The following SLC35F3 variants were observed in gnomAD, a reference collection of about 807,000 sequenced individuals.
SLC35F3 encodes putative thiamine transporter SLC35F3.
In SLC35F3, 25 loss-of-function variants were observed where a neutral mutation model predicts 49.9. That is an observed-to-expected ratio of 0.50 (90% CI 0.37 to 0.70). SLC35F3 has a LOEUF of 0.70. Among genes scored for constraint, SLC35F3 ranks in the 30% least tolerant of loss-of-function variants. SLC35F3 has a pLI of 0.00. For synonymous variants in SLC35F3, 275 were observed against 265.4 expected (o/e 1.04, Z -0.35); for missense variants, 525 against 639.8 (o/e 0.82, Z 1.94).
chr1:234,088,731 C>T (rs907643717), intron 2 of SLC35F3, among the ~76,000 whole-genome samples: 1 of 152,108 alleles, frequency 6.6e-6, no homozygotes, highest in African/African-American at 2.4e-5. Flanking sequence ...TTACACATGT[C>T]ATAAGGAATG....
intron 2 of SLC35F3, among the ~76,000 whole-genome samples, chr1:234,149,701 G>T (rs1330832786): frequency 1.3e-5 from 2 of 152,134 alleles, no homozygotes; most frequent in East Asian, 3.8e-4. Context: ...ATTTTCAAAA[G>T]AATATAAGCT....
intron 3 of SLC35F3, among the ~76,000 whole-genome samples, chr1:234,283,811 C>T (rs949327713): frequency 1.3e-5 from 2 of 152,166 alleles, no homozygotes; most frequent in Non-Finnish European, 2.9e-5. Flanking sequence ...AGCCTTGGTA[C>T]CTAGGAATTT....
At chr1:234,017,797 A>C (rs1467349474) in intron 2 of SLC35F3, among the ~76,000 whole-genome samples, 1 of 151,700 alleles carries the variant, frequency 6.6e-6, no homozygotes, top group East Asian at 1.9e-4. Context: ...TCAATGGCAA[A>C]AACCGTGATT....
intron 2 of SLC35F3, among the ~76,000 whole-genome samples, chr1:234,034,078 G>A (rs944148740): frequency 1.3e-5 from 2 of 152,138 alleles, no homozygotes; most frequent in African/African-American, 4.8e-5. Flanking sequence ...CACCGCCTTG[G>A]TTAGGTATAT....
intron 2 of SLC35F3, among the ~76,000 whole-genome samples, chr1:234,098,550 GAT>G (rs1198137594): frequency 9.4e-5 from 14 of 148,912 alleles, no homozygotes; most frequent in South Asian, 2.1e-4. Context: ...TGGTGGTGGT[GAT>G]TATTGGTGGT....
At chr1:234,084,534 A>T (rs1664932486) in intron 2 of SLC35F3, among the ~76,000 whole-genome samples, 1 of 152,228 alleles carries the variant, frequency 6.6e-6, no homozygotes, top group East Asian at 1.9e-4. Context: ...CATATATTTT[A>T]AAGAAATTAT....
chr1:234,105,754 C>T (rs1308327085), intron 2 of SLC35F3, among the ~76,000 whole-genome samples: 3 of 152,202 alleles, frequency 2.0e-5, no homozygotes, highest in African/African-American at 7.2e-5. Context: ...TATTGATGTT[C>T]ACAAAGCTCA....
chr1:234,271,331 C>T (rs1668102888), intron 3 of SLC35F3, among the ~76,000 whole-genome samples: 1 of 151,972 alleles, frequency 6.6e-6, no homozygotes, highest in East Asian at 1.9e-4. Context: ...ATATACAGGG[C>T]ACCTATAGTA....
chr1:233,987,141 T>A (rs755190257), intron 2 of SLC35F3, among the ~76,000 whole-genome samples: 1 of 150,532 alleles, frequency 6.6e-6, no homozygotes. Flanking sequence ...ACAAAAAAAA[T>A]TAGCCAGGCG....
At chr1:234,156,056 A>G (rs1666146983) in intron 2 of SLC35F3, among the ~76,000 whole-genome samples, 1 of 152,170 alleles carries the variant, frequency 6.6e-6, no homozygotes, top group Non-Finnish European at 1.5e-5. Context: ...ACATATACAA[A>G]TCAAAAGTTT....
chr1:234,310,144 G>T (rs1429340980), intron 4 of SLC35F3, among the ~76,000 whole-genome samples: 1 of 152,190 alleles, frequency 6.6e-6, no homozygotes, highest in Admixed American at 6.5e-5. Flanking sequence ...GCCAGGAGCT[G>T]TCACTGCCCC....
chr1:234,318,643 C>T (rs1657546805), intron 5 of SLC35F3, 108 bp from the exon 6 acceptor site: 1 of 921,856 alleles, frequency 1.1e-6, no homozygotes, highest in Admixed American at 2.4e-5. Flanking sequence ...AATCTGGTTT[C>T]CATCCTGCAG....
intron 2 of SLC35F3, among the ~76,000 whole-genome samples, chr1:234,083,920 C>T (rs1323116941): frequency 6.6e-6 from 1 of 151,452 alleles, no homozygotes; most frequent in African/African-American, 2.4e-5. Context: ...TCACCACAAC[C>T]TCCGCCTCCT....
At position 234,231,582 on chromosome 1, in the gene SLC35F3, C is replaced by T. The variant is rs1667376754; in HGVS notation, c.449C>T (p.Ala150Val). ...GTGCTGTGCGTGTGCTCCTCGTGGG[C>T]GGGCTCCACGCAGCTCGCCAAGCTG... ...AVVLCVCSSW[A>V]GSTQLAKLTF... is the part of the protein sequence containing the mutation. Residue 150 changes from alanine (A) to valine (V), a missense_variant, in exon 3 of 8, where the codon GCG (alanine) becomes GTG (valine). By Grantham distance (64) the Ala-to-Val change is moderately conservative (BLOSUM62 0). Coordinates refer to ENST00000366618, the MANE Select transcript of SLC35F3 (RefSeq NM_173508.4). This position sits in a 1 kb window ranked among gnomAD's most constrained non-coding sequence, Gnocchi z 5.4. The T allele has an allele frequency of 6.2e-7, 1 of 1,614,162 alleles. No homozygotes were observed. Among genetic ancestry groups the T allele is most frequent in the Non-Finnish European group, 8.5e-7 (1 of 1,180,014 alleles).
chr1:234,181,015 C>A (rs1572084198), intron 2 of SLC35F3, among the ~76,000 whole-genome samples: 2 of 152,048 alleles, frequency 1.3e-5, no homozygotes, highest in East Asian at 1.9e-4. Flanking sequence ...CATATAATTT[C>A]TTTTGAGGCA....
At chr1:234,176,372 A>G (rs1208843604) in intron 2 of SLC35F3, among the ~76,000 whole-genome samples, 3 of 152,226 alleles carry the variant, frequency 2.0e-5, no homozygotes, top group African/African-American at 7.2e-5. Flanking sequence ...GGAAAAGCCT[A>G]TTCCCAACCT....
At chr1:234,094,722 T>G (rs1362361903) in intron 2 of SLC35F3, among the ~76,000 whole-genome samples, 2 of 152,178 alleles carry the variant, frequency 1.3e-5, no homozygotes, top group East Asian at 3.8e-4. Context: ...GGGGGCGCTT[T>G]TATGAGGCAT....
chr1:233,963,018 G>T lies in SLC35F3; in HGVS notation c.283+57260G>T, dbSNP rs142988600. Reference sequence around the variant, plus strand: ...AATCTCTTTCAACCATGATGGGGATGTGTCCCAGACCCTCAGCTGCAGAGC... The same window carrying T: ...AATCTCTTTCAACCATGATGGGGATTTGTCCCAGACCCTCAGCTGCAGAGC... On this transcript the variant is annotated intron_variant, in intron 2 of 7. Transcript: ENST00000366618. Among the ~76,000 whole-genome samples, 576 of 152,358 alleles carry T rather than the reference G, an allele frequency of 3.8e-3. 6 individuals are homozygous for T. Among genetic ancestry groups the T allele is most frequent in the African/African-American group, 0.013 (547 of 41,588 alleles).
intron 2 of SLC35F3, among the ~76,000 whole-genome samples, chr1:233,974,671 G>C (rs985016024): frequency 1.3e-5 from 2 of 152,104 alleles, no homozygotes; most frequent in African/African-American, 2.4e-5. Context: ...GATTTTCATA[G>C]TTTCGAAGCA....
Sources: gnomAD v4.1 joint callset for allele counts (sites outside exome capture counted in the v4.1 genomes callset) on GRCh38, gnomAD v4.1.1 for gene constraint, Gnocchi (gnomAD v3.1) non-coding constraint, MANE v1.5 for transcripts, NCBI Gene and HGNC (gene_info 2026-07-23, HGNC 2026-07-21) for gene names.